VPS41: variants seen among roughly 807,000 people sequenced by gnomAD.
VPS41 encodes vacuolar protein sorting-associated protein 41 homolog.
VPS41 carries 85 observed loss-of-function variants against 130.9 expected under a neutral mutation model. The observed-to-expected ratio is 0.65, with a 90% confidence interval of 0.55 to 0.78. The LOEUF (loss-of-function observed/expected upper bound fraction) is 0.78, where lower values mean the gene tolerates loss of function less well. Among genes scored for constraint, VPS41 ranks in the 30% least tolerant of loss-of-function variants. The probability of loss-of-function intolerance (pLI) is 0.00; values close to 1 mark genes in which losing one functional copy is unlikely to be tolerated. For missense variants in VPS41, 874 were observed against 1,018.7 expected, an observed-to-expected ratio of 0.86 and a Z score of 1.93; for synonymous variants, 335 against 332.9, an observed-to-expected ratio of 1.01 and a Z score of -0.07.
chr7:38,861,818 T>G (rs962907401), intron 4 of VPS41, among the ~76,000 whole-genome samples: 1 of 152,130 alleles, frequency 6.6e-6, no homozygotes. Context: ...AAATCAAGCT[T>G]CAAATTCAAT....
intron 4 of VPS41, among the ~76,000 whole-genome samples, chr7:38,837,010 T>G (rs900758258): frequency 6.6e-6 from 1 of 152,238 alleles, no homozygotes; most frequent in Non-Finnish European, 1.5e-5. Flanking sequence ...TACTAAGAAA[T>G]AGAAATTATC....
At position 38,870,225 on chromosome 7, in the gene VPS41, C is replaced by T. The variant is rs543074484; in HGVS notation, c.61-972G>A. Among the ~76,000 whole-genome samples, 4 of 152,290 alleles carry T rather than the reference C, an allele frequency of 2.6e-5. No homozygotes were observed. The South Asian group carries it at 8.3e-4, about 32-fold the overall frequency. On this transcript the variant is annotated intron_variant, in intron 2 of 28. Coordinates refer to ENST00000310301, the MANE Select transcript of VPS41 (RefSeq NM_014396.4). ...GATATCAGTGGAAGAGAGGCAGAGA[C>T]ATGAGCTTGTTACACAGCTACTTTT...
At chr7:38,824,047 C>T (rs968727539) in intron 5 of VPS41, among the ~76,000 whole-genome samples, 4 of 152,160 alleles carry the variant, frequency 2.6e-5, no homozygotes, top group Admixed American at 1.3e-4. Context: ...GAAGGAGGTT[C>T]CTGAATCATG....
At chr7:38,879,747 G>GAGA (rs1786563018) in intron 2 of VPS41, among the ~76,000 whole-genome samples, 1 of 152,168 alleles carries the variant, frequency 6.6e-6, no homozygotes, top group Non-Finnish European at 1.5e-5. Context: ...TGCTGTGGCT[G>GAGA]ATCTAACAGG....
At chr7:38,734,030 G>C (rs1437856052) in intron 25 of VPS41, among the ~76,000 whole-genome samples, 3 of 152,302 alleles carry the variant, frequency 2.0e-5, no homozygotes, top group Middle Eastern at 3.4e-3. Context: ...AGGCTACAGT[G>C]AGCTGTGACT....
intron 21 of VPS41, among the ~76,000 whole-genome samples, 185 bp downstream of exon 21, chr7:38,754,517 T>C (rs920282995): frequency 2.0e-5 from 3 of 152,244 alleles, no homozygotes; most frequent in African/African-American, 7.2e-5. Flanking sequence ...AATTAATCCC[T>C]GACCTTGAAT....
intron 4 of VPS41, among the ~76,000 whole-genome samples, chr7:38,840,241 A>AT (rs1385482352): frequency 6.6e-6 from 1 of 152,250 alleles, no homozygotes; most frequent in Non-Finnish European, 1.5e-5. Context: ...AGTAAAAAAA[A>AT]GTAAACTGTT....
chr7:38,797,101 C>T (rs1407353954), intron 7 of VPS41: 1 of 374,398 alleles, frequency 2.7e-6, no homozygotes, highest in African/African-American at 2.0e-5. Flanking sequence ...CAAGGCCAAG[C>T]CACAAGGTGG....
intron 2 of VPS41, among the ~76,000 whole-genome samples, chr7:38,875,420 C>T (rs963241227): frequency 1.3e-5 from 2 of 152,116 alleles, no homozygotes; most frequent in Non-Finnish European, 2.9e-5. Context: ...CTTCAATCAG[C>T]TTTGTATCGC....
intron 10 of VPS41, among the ~76,000 whole-genome samples, chr7:38,787,843 G>C (rs1449722023): frequency 6.6e-6 from 1 of 152,098 alleles, no homozygotes; most frequent in African/African-American, 2.4e-5. Context: ...TATTCTTAAA[G>C]GTTTACTCTT....
At chr7:38,891,645 C>A (rs776823083) in intron 2 of VPS41, among the ~76,000 whole-genome samples, 35 of 152,140 alleles carry the variant, frequency 2.3e-4, no homozygotes, top group Non-Finnish European at 4.3e-4. Context: ...CCTGTCGACT[C>A]CTGTTCTTAA....
intron 1 of VPS41, among the ~76,000 whole-genome samples, chr7:38,901,393 C>T (rs775952415): frequency 6.6e-6 from 1 of 152,122 alleles, no homozygotes; most frequent in African/African-American, 2.4e-5. Context: ...ACCAGAAGCA[C>T]GGCACCAGCA....
chr7:38,880,129 A>G (rs1017506165), intron 2 of VPS41, among the ~76,000 whole-genome samples: 2 of 152,178 alleles, frequency 1.3e-5, no homozygotes, highest in African/African-American at 4.8e-5. Context: ...CGTAAAGCAC[A>G]AAGCTTAGTA....
chr7:38,860,998 G>A (rs983514380), intron 4 of VPS41, among the ~76,000 whole-genome samples: 7 of 152,184 alleles, frequency 4.6e-5, no homozygotes, highest in African/African-American at 1.7e-4. Flanking sequence ...TTTCAAAGAT[G>A]TCATATAGTC....
intron 2 of VPS41, among the ~76,000 whole-genome samples, chr7:38,875,294 C>G (rs1786469557): frequency 6.6e-6 from 1 of 151,934 alleles, no homozygotes; most frequent in Admixed American, 6.6e-5. Context: ...TAGGACATCT[C>G]CAAATTTGTC....
intron 4 of VPS41, among the ~76,000 whole-genome samples, chr7:38,834,011 G>A (rs1269972106): frequency 3.3e-5 from 5 of 151,530 alleles, no homozygotes; most frequent in Admixed American, 6.6e-5. Context: ...ACCTATAAAC[G>A]CTAATTTTCT....
At chr7:38,759,533 T>C (rs909283688) in intron 17 of VPS41, among the ~76,000 whole-genome samples, 5 of 152,202 alleles carry the variant, frequency 3.3e-5, no homozygotes, top group African/African-American at 2.4e-5. Flanking sequence ...GGTCTGGGTG[T>C]GGTGAAGAGT....
At chr7:38,871,230 C>T (rs1432582090) in intron 2 of VPS41, among the ~76,000 whole-genome samples, 1 of 150,936 alleles carries the variant, frequency 6.6e-6, no homozygotes, top group Non-Finnish European at 1.5e-5. Flanking sequence ...GAAAATTAGG[C>T]AAAAGAAAAA....
rs756757148 is a variant in VPS41, at chr7:38,765,633, C to T, written c.1276G>A (p.Ala426Thr). ...TAAACTTCATATTCCCAGAGTGCTG[C>T]ATTTTTCCCAAGAATTTTCTGGCAT... ...RKCQKILGKNAALWEYEVYKF... is the reference protein window; with the variant it reads ...RKCQKILGKNTALWEYEVYKF... The change falls in exon 16 of 29, where the codon GCA (alanine) becomes ACA (threonine). Residue 426 changes from alanine to threonine, a missense_variant. Transcript: ENST00000310301. 5 of 1,604,208 alleles carry T rather than the reference C, an allele frequency of 3.1e-6. No individual in the cohort carries two copies. Among genetic ancestry groups the T allele is most frequent in the Non-Finnish European group, 4.2e-6 (5 of 1,177,530 alleles).
Sources: allele counts gnomAD v4.1 joint callset (sites outside exome capture counted in the v4.1 genomes callset), GRCh38; gene constraint gnomAD v4.1.1; transcripts MANE v1.5; gene names NCBI Gene and HGNC (gene_info 2026-07-23, HGNC 2026-07-21).